The following CHD3 variants were observed in gnomAD, a reference collection of about 807,000 sequenced individuals.
CHD3 encodes chromodomain helicase DNA binding protein 3.
In CHD3, 52 loss-of-function variants were observed where a neutral mutation model predicts 248.9. The ratio of observed to expected loss-of-function variants is 0.21; its 90% CI spans 0.17 to 0.26. The LOEUF (loss-of-function observed/expected upper bound fraction) is 0.26. CHD3 is among the 10% of genes least tolerant of loss of function. The pLI is 1.00. For missense variants in CHD3, 1,482 were observed against 2,605.8 expected, an observed-to-expected ratio of 0.57 and a Z score of 9.39; for synonymous variants, 985 against 985.2, an observed-to-expected ratio of 1.00 and a Z score of 0.00.
chr17:7,912,011 A>G lies in CHD3; in HGVS notation c.*426A>G, dbSNP rs1454597907. On this transcript the variant is annotated 3_prime_UTR_variant, in exon 40 of 40. Coordinates refer to ENST00000330494, the MANE Select transcript of CHD3 (RefSeq NM_001005273.3). ...TGGCCTTTAGGAACTTTTGTGGGGA[A>G]GAGAGCTTTGAAGAGAGGAGGGGGA... is the stretch of plus-strand genomic sequence containing the variant. The G allele has an allele frequency of 1.5e-5, 5 of 323,952 alleles. No individual in the cohort carries two copies. The highest frequency in any genetic ancestry group is 2.4e-5 in the Non-Finnish European group (4 of 167,492). 20.1% of individuals were successfully genotyped at this position (323,952 alleles called of 1,614,324 possible).
chr17:7,893,765 CCT>C, intron 5 of CHD3, 38 bp from the exon 6 acceptor site: 1 of 1,607,082 alleles, frequency 6.2e-7, no homozygotes, highest in South Asian at 1.1e-5. Context: ...GATGTCATGA[CCT>C]CTCCTTTTTC....
chr17:7,911,093 T>C lies in CHD3; in HGVS notation c.5881+120T>C. The C allele has an allele frequency of 7.1e-7, 1 of 1,408,250 alleles. No homozygotes were observed. The highest frequency in any genetic ancestry group is 2.3e-5 in the East Asian group (1 of 43,872). 87.2% of individuals were successfully genotyped at this position (1,408,250 alleles called of 1,614,324 possible). On this transcript the variant is annotated intron_variant, in intron 39 of 39. Transcript: ENST00000330494. This position sits in a 1 kb window ranked among gnomAD's most constrained non-coding sequence, Gnocchi z 5.4. ...CATTTCCTTGGTGGTATCCGGTGTTTTATGGGATAGAGTTGTTCTAGGCTG... is the reference window on the plus strand; with the variant it reads ...CATTTCCTTGGTGGTATCCGGTGTTCTATGGGATAGAGTTGTTCTAGGCTG...
rs1014335514 is a variant in CHD3, at chr17:7,907,027, A to G, written c.4662A>G (p.Lys1554=). 1.2e-6 allele frequency: 2 copies of G among 1,614,002 alleles called. No homozygotes were observed. The highest frequency in any genetic ancestry group is 1.7e-6 in the Non-Finnish European group (2 of 1,179,984). Reference sequence around the variant, plus strand: ...CTACCAACAGTCCCTGCACCTCTAAACCTGGTAATCAGAAGTCAGGATGGT... The same window carrying G: ...CTACCAACAGTCCCTGCACCTCTAAGCCTGGTAATCAGAAGTCAGGATGGT... ...ASATNSPCTS[K]PATPAPSEKG... The change falls in exon 30 of 40, where the codon AAA becomes AAG. Residue 1554 remains lysine, a synonymous_variant. Transcript: ENST00000330494. The surrounding 1 kb of genome is among the most constrained non-coding windows in gnomAD (Gnocchi z 4.3).
Position 7,889,078 on chromosome 17 carries a change from G to A in CHD3, c.78G>A (p.Leu26=), listed in dbSNP as rs771976061. ...DQLRISFPPG[L]CWGDRMPDKD... ...TGAGGATTTCTTTTCCTCCAGGACT[G>A]TGTTGGGGTGACAGGATGCCTGGTA... Residue 26 remains leucine (L), a synonymous_variant, in exon 1 of 40, where the codon CTG becomes CTA. Transcript: ENST00000330494. This position sits in a 1 kb window ranked among gnomAD's most constrained non-coding sequence, Gnocchi z 4.5. 6 of 1,614,234 alleles carry A rather than the reference G, an allele frequency of 3.7e-6. No individual in the cohort carries two copies.
At chr17:7,885,128 G>A (rs1389035901), upstream of CHD3, 92 of 982,056 alleles carry the variant, frequency 9.4e-5, no homozygotes, top group East Asian at 1.2e-4. Flanking sequence ...AGTGGGAGCC[G>A]CGGGCGCGCG....
intron 4 of CHD3, among the ~76,000 whole-genome samples, chr17:7,892,641 TGCGCACCACTACACCCA>T (rs1597929643): frequency 6.6e-6 from 1 of 151,880 alleles, no homozygotes; most frequent in East Asian, 1.9e-4. Context: ...AGACTACAGG[TGCGCACCACTACACCCA>T]GCTAATTTTT....
chr17:7,907,206 C>G lies in CHD3; in HGVS notation c.4747C>G (p.Pro1583Ala). Reference protein sequence around the residue: ...KEEAENQEEKPEKNSRIGEKM... With the variant: ...KEEAENQEEKAEKNSRIGEKM... ...GGAAGCTGAAAACCAGGAGGAAAAGCCAGAGAAGAACAGCAGAATTGGGGA... is the reference window on the plus strand; with the variant it reads ...GGAAGCTGAAAACCAGGAGGAAAAGGCAGAGAAGAACAGCAGAATTGGGGA... Residue 1583 changes from proline to alanine, a missense_variant, in exon 31 of 40, where the codon CCA becomes GCA. Around this residue, in one of 20 missense-constraint regions of CHD3, gnomAD observed 254 missense variants for 266.7 expected, o/e 0.95. Transcript: ENST00000330494. The surrounding 1 kb of genome is among the most constrained non-coding windows in gnomAD (Gnocchi z 4.3). 1 of 1,614,238 alleles carries G rather than the reference C, an allele frequency of 6.2e-7. No homozygotes were observed. Among genetic ancestry groups the G allele is most frequent in the Non-Finnish European group, 8.5e-7 (1 of 1,180,032 alleles).
At chr17:7,892,529 A>T (rs1391799661) in intron 4 of CHD3, among the ~76,000 whole-genome samples, 1 of 117,692 alleles carries the variant, frequency 8.5e-6, no homozygotes, top group African/African-American at 3.4e-5. Flanking sequence ...ATGGAATCTC[A>T]CTCTGTCGCC....
upstream of CHD3, among the ~76,000 whole-genome samples, chr17:7,888,049 C>T (rs1968238197): frequency 1.3e-5 from 2 of 152,330 alleles, no homozygotes; most frequent in South Asian, 2.1e-4. Flanking sequence ...CTTGCCACTG[C>T]CTCGGCAGCC....
Position 7,899,434 on chromosome 17 carries a change from A to G in CHD3, c.2435A>G (p.Tyr812Cys). The G allele has an allele frequency of 1.2e-6, 2 of 1,614,072 alleles. No individual in the cohort carries two copies. The highest frequency in any genetic ancestry group is 1.7e-6 in the Non-Finnish European group (2 of 1,180,000). ...REFQMWAPKF[Y>C]VVTYTGDKDS... ...TTCCAGATGTGGGCACCCAAATTCT[A>G]TGTGGTGACATACACGGGTGACAAG... Residue 812 changes from tyrosine to cysteine, a missense_variant, in exon 15 of 40, where the codon TAT becomes TGT. By Grantham distance (194) the Tyr-to-Cys change is radical (BLOSUM62 -2). Coordinates refer to ENST00000330494, the MANE Select transcript of CHD3 (RefSeq NM_001005273.3). The surrounding 1 kb of genome is among the most constrained non-coding windows in gnomAD (Gnocchi z 6.8).
chr17:7,894,086 C>T, intron 6 of CHD3, 29 bp from the exon 7 acceptor site: 1 of 1,542,760 alleles, frequency 6.5e-7, no homozygotes, highest in Non-Finnish European at 8.8e-7. Context: ...TGAAGTCTGC[C>T]TCACTGACGG....
In CHD3 at chr17:7,900,741, A is replaced by G; in HGVS notation, c.2978+10A>G. On this transcript the variant is annotated intron_variant, in intron 18 of 39. Coordinates refer to ENST00000330494, the MANE Select transcript of CHD3 (RefSeq NM_001005273.3). This position sits in a 1 kb window ranked among gnomAD's most constrained non-coding sequence, Gnocchi z 6.5. Reference sequence around the variant, plus strand: ...TAAGCCCCATGCAGAAGTAAGATGCAAGACGAGCTGCCTGGAGTAGGGCTT... The same window carrying G: ...TAAGCCCCATGCAGAAGTAAGATGCGAGACGAGCTGCCTGGAGTAGGGCTT... The G allele has an allele frequency of 1.2e-6, 2 of 1,610,954 alleles. No individual in the cohort carries two copies. Among genetic ancestry groups the G allele is most frequent in the Non-Finnish European group, 1.7e-6 (2 of 1,177,248 alleles).
chr17:7,889,180 C>A lies in CHD3; in HGVS notation c.100+80C>A. On this transcript the variant is annotated intron_variant, in intron 1 of 39. Coordinates refer to ENST00000330494, the MANE Select transcript of CHD3 (RefSeq NM_001005273.3). The surrounding 1 kb of genome is among the most constrained non-coding windows in gnomAD (Gnocchi z 4.5). Reference sequence around the variant, plus strand: ...GGGCCCCAGGGTGTTAGTGTGAGAACCCAGGTGTCCACCTTTGGCTCTCCC... The same window carrying A: ...GGGCCCCAGGGTGTTAGTGTGAGAAACCAGGTGTCCACCTTTGGCTCTCCC... 1.3e-6 allele frequency: 2 copies of A among 1,564,812 alleles called. No individual in the cohort carries two copies. Among genetic ancestry groups the A allele is most frequent in the South Asian group, 2.3e-5 (2 of 88,304 alleles).
chr17:7,907,964 G>C lies in CHD3; in HGVS notation c.5097G>C (p.Glu1699Asp). The change falls in exon 34 of 40, where the codon GAG becomes GAC. Residue 1699 changes from glutamate to aspartate, a missense_variant. Physicochemically the swap from Glu to Asp is conservative, Grantham distance 45 (BLOSUM62 2). Coordinates refer to ENST00000330494, the MANE Select transcript of CHD3 (RefSeq NM_001005273.3). The surrounding 1 kb of genome is among the most constrained non-coding windows in gnomAD (Gnocchi z 4.3). ...AGCCACGGTCCAATGGGCGACGAGA[G>C]GAAAAGACAGAGAAGCCCCGGTTCA... Reference protein sequence around the residue: ...RDEPRSNGRREEKTEKPRFMF... With the variant: ...RDEPRSNGRRDEKTEKPRFMF... 6.2e-7 allele frequency: 1 copy of C among 1,612,748 alleles called. No individual in the cohort carries two copies. The highest frequency in any genetic ancestry group is 8.5e-7 in the Non-Finnish European group (1 of 1,178,942).
chr17:7,898,212 G>C lies in CHD3; in HGVS notation c.2051+110G>C, dbSNP rs1597959938. On this transcript the variant is annotated intron_variant, in intron 12 of 39. Coordinates refer to ENST00000330494, the MANE Select transcript of CHD3 (RefSeq NM_001005273.3). ...AGGGCCTGATTCAACCTGGAGTTCAGGGCAATGGCCACCTGAGCTGGGTTG... is the reference window on the plus strand; with the variant it reads ...AGGGCCTGATTCAACCTGGAGTTCACGGCAATGGCCACCTGAGCTGGGTTG... 6.8e-6 allele frequency: 9 copies of C among 1,313,980 alleles called. No individual in the cohort carries two copies. In the East Asian group the frequency reaches 2.1e-4, roughly 30 times the overall value. 81.4% of individuals were successfully genotyped at this position (1,313,980 alleles called of 1,614,324 possible). A position where few individuals can be genotyped will look rare whatever the true frequency, so the allele number is the denominator to read the frequency against.
chr17:7,884,896 G>C (rs1260250006), upstream of CHD3: 26 of 1,051,382 alleles, frequency 2.5e-5, no homozygotes, highest in Admixed American at 2.9e-5. Flanking sequence ...AGGGCGACGA[G>C]GAGGAGGAGG....
In CHD3 at chr17:7,910,644, C is replaced by T; in HGVS notation, c.5754+53C>T. 6.4e-7 allele frequency: 1 copy of T among 1,561,428 alleles called. No homozygotes were observed. Reference sequence around the variant, plus strand: ...TTTCCCTGTTTGTGTTCCTCCTGCACACATACAAACACTTCCATCAGAATC... The same window carrying T: ...TTTCCCTGTTTGTGTTCCTCCTGCATACATACAAACACTTCCATCAGAATC... On this transcript the variant is annotated intron_variant, in intron 38 of 39. Coordinates refer to ENST00000330494, the MANE Select transcript of CHD3 (RefSeq NM_001005273.3). This position sits in a 1 kb window ranked among gnomAD's most constrained non-coding sequence, Gnocchi z 4.7.
chr17:7,910,310 T>G lies in CHD3; in HGVS notation c.5591-118T>G. ...CTCTGGTTCTTTGACATCTGTGTTC[T>G]CCTCTCTCGCTCTTTTTCTGCCTGT... On this transcript the variant is annotated intron_variant, in intron 37 of 39. Transcript: ENST00000330494. This position sits in a 1 kb window ranked among gnomAD's most constrained non-coding sequence, Gnocchi z 4.7. 8.0e-7 allele frequency: 1 copy of G among 1,248,700 alleles called. No individual in the cohort carries two copies. The allele number at this position is 1,248,700 out of a possible 1,614,324, so 77.4% of individuals were successfully genotyped here.
In CHD3 at chr17:7,888,906, A is replaced by G. The variant is rs1968409739; in HGVS notation, c.-95A>G. The G allele has an allele frequency of 3.2e-6, 5 of 1,576,226 alleles. No individual in the cohort carries two copies. In the African/African-American group the frequency reaches 4.1e-5, roughly 13 times the overall value. ...AAAGGGTATGGCCCCCTAGTTCCCA[A>G]AGGGAGCAGGGAGATGGGAATAGAA... On this transcript the variant is annotated 5_prime_UTR_variant, in exon 1 of 40. Transcript: ENST00000330494.
Sources: allele counts gnomAD v4.1 joint callset (sites outside exome capture counted in the v4.1 genomes callset), GRCh38; gene constraint gnomAD v4.1.1; regional missense constraint gnomAD v4.1.1; non-coding constraint Gnocchi (gnomAD v3.1); transcripts MANE v1.5; gene names NCBI Gene and HGNC (gene_info 2026-07-23, HGNC 2026-07-21).